ARHGEF4: variants seen among roughly 807,000 people sequenced by gnomAD.
ARHGEF4 encodes Rho guanine nucleotide exchange factor 4, also known as APC-stimulated guanine nucleotide exchange factor 1.
ARHGEF4 carries 119 observed loss-of-function variants against 162.0 expected under a neutral mutation model. The ratio of observed to expected loss-of-function variants is 0.73; its 90% CI spans 0.63 to 0.86. ARHGEF4 has a LOEUF of 0.86. Ranked by LOEUF, ARHGEF4 falls within the 40% of genes least tolerant of loss-of-function variation. The pLI is 0.00. For synonymous variants in ARHGEF4, 1,014 were observed against 979.9 expected (o/e 1.03, Z -0.65); for missense variants, 2,488 against 2,456.0 (o/e 1.01, Z -0.28).
Position 130,890,707 on chromosome 2 carries a change from C to T in ARHGEF4, c.40-23279C>T, listed in dbSNP as rs141941447. Among the ~76,000 whole-genome samples the T allele has an allele frequency of 5.3e-5, 8 of 152,168 alleles. No individual in the cohort carries two copies. The South Asian group carries it at 1.0e-3, about 20-fold the overall frequency. On this transcript the variant is annotated intron_variant, in intron 1 of 13. Transcript: ENST00000409359. Reference sequence around the variant, plus strand: ...TCTATTGAGTTTCTAAGCCTTTTATCGGAGTTTAAATTTTTAGGAATTTTA... The same window carrying T: ...TCTATTGAGTTTCTAAGCCTTTTATTGGAGTTTAAATTTTTAGGAATTTTA...
intron 3 of ARHGEF4, among the ~76,000 whole-genome samples, chr2:130,938,577 T>C (rs1441767235): frequency 6.6e-6 from 1 of 152,206 alleles, no homozygotes; most frequent in Non-Finnish European, 1.5e-5. Flanking sequence ...TTTTTAATGT[T>C]GGTCTTTGAG....
rs192555638 is a variant in ARHGEF4, at chr2:130,973,188, A to T, written c.3985+26553A>T. Among the ~76,000 whole-genome samples, 8 of 152,380 alleles carry T rather than the reference A, an allele frequency of 5.3e-5. No individual in the cohort carries two copies. The East Asian group carries it at 1.3e-3, about 26-fold the overall frequency. ...AAGAAGTAAAGTTGCAATCAAGTTA[A>T]CATTTAAAAAATAAATGAGGCCGAA... On this transcript the variant is annotated intron_variant, in intron 4 of 13. Transcript: ENST00000409359.
intron 10 of ARHGEF4, among the ~76,000 whole-genome samples, chr2:131,042,843 A>C (rs1690922255): frequency 6.6e-6 from 1 of 152,194 alleles, no homozygotes; most frequent in Non-Finnish European, 1.5e-5. Context: ...TAAAAGTATG[A>C]AGCCCAAGGG....
chr2:130,874,831 AT>A (rs1362609641), intron 1 of ARHGEF4, among the ~76,000 whole-genome samples: 4 of 152,090 alleles, frequency 2.6e-5, no homozygotes, highest in Admixed American at 6.6e-5. Context: ...CATTTCTATA[AT>A]TTTTTCATTT....
intron 1 of ARHGEF4, among the ~76,000 whole-genome samples, chr2:130,864,467 A>G (rs1682122752): frequency 6.6e-6 from 1 of 151,476 alleles, no homozygotes. Flanking sequence ...GCTCACGCCT[A>G]TAATCCCAGC....
At chr2:131,022,888 G>A (rs1014669162) in intron 4 of ARHGEF4, among the ~76,000 whole-genome samples, 2 of 151,170 alleles carry the variant, frequency 1.3e-5, no homozygotes, top group African/African-American at 4.9e-5. Flanking sequence ...GAAAAGATAA[G>A]CTACAGACTG....
At chr2:130,996,695 C>A (rs1005173235) in intron 4 of ARHGEF4, among the ~76,000 whole-genome samples, 12 of 152,170 alleles carry the variant, frequency 7.9e-5, no homozygotes, top group African/African-American at 2.9e-4. Flanking sequence ...AGAATACCTG[C>A]ATTTGTTTTA....
At chr2:130,998,607 T>G (rs1687556178) in intron 4 of ARHGEF4, among the ~76,000 whole-genome samples, 2 of 152,238 alleles carry the variant, frequency 1.3e-5, no homozygotes, top group Admixed American at 1.3e-4. Context: ...AGTATGCATT[T>G]GGGTTTCCTC....
At chr2:130,876,399 T>G (rs1246126541) in intron 1 of ARHGEF4, among the ~76,000 whole-genome samples, 1 of 152,180 alleles carries the variant, frequency 6.6e-6, no homozygotes, top group African/African-American at 2.4e-5. Context: ...GCATCTTTTT[T>G]TTGTTTGTTT....
At chr2:130,868,146 C>A (rs147635525) in intron 1 of ARHGEF4, among the ~76,000 whole-genome samples, 2 of 151,834 alleles carry the variant, frequency 1.3e-5, no homozygotes, top group African/African-American at 4.8e-5. Context: ...AGGATCGTCT[C>A]GATCTCCCGA....
intron 4 of ARHGEF4, among the ~76,000 whole-genome samples, chr2:131,023,741 G>C (rs148210455): frequency 2.0e-5 from 3 of 152,292 alleles, no homozygotes; most frequent in African/African-American, 7.2e-5. Context: ...ATCTGACCCA[G>C]TAATTACACT....
intron 4 of ARHGEF4, among the ~76,000 whole-genome samples, chr2:130,951,723 G>A (rs922682100): frequency 2.8e-4 from 43 of 151,894 alleles, no homozygotes; most frequent in African/African-American, 8.7e-4. Context: ...TAGCTTTAGC[G>A]TTTCATGTAT....
rs1210561747 is a variant in ARHGEF4 at position 131,023,078 on chromosome 2, A to C, written c.3986-4867A>C. Among the ~76,000 whole-genome samples the C allele has an allele frequency of 2.4e-4, 36 of 147,590 alleles. 2 individuals are homozygous for C. The highest frequency in any genetic ancestry group is 6.4e-4 in the South Asian group (3 of 4,690). ...CAACATGGTGAAACCCTGTCTCAAA[A>C]AAAAAAAAAAAAAAAAAGAACTTTC... is the stretch of plus-strand genomic sequence containing the variant. On this transcript the variant is annotated intron_variant, in intron 4 of 13. Transcript: ENST00000409359.
Position 130,914,095 on chromosome 2 carries a change from G to A in ARHGEF4, c.149G>A (p.Arg50His), listed in dbSNP as rs750357910. ...VEQGWNQQTD[R>H]DDSETLSQQS... is the part of the protein sequence containing the mutation. Reference sequence around the variant, plus strand: ...CAGGGATGGAACCAGCAAACAGACCGCGATGATTCTGAAACGCTGTCCCAG... The same window carrying A: ...CAGGGATGGAACCAGCAAACAGACCACGATGATTCTGAAACGCTGTCCCAG... The change falls in exon 2 of 14, where the codon CGC becomes CAC. Residue 50 changes from arginine to histidine, a missense_variant. By Grantham distance (29) the Arg-to-His change is conservative. Coordinates refer to ENST00000409359, the MANE Select transcript of ARHGEF4 (RefSeq NM_001367493.1). 1.4e-5 allele frequency: 22 copies of A among 1,536,000 alleles called. No homozygotes were observed. The highest frequency in any genetic ancestry group is 1.7e-4 in the Middle Eastern group (1 of 6,012).
At chr2:130,895,612 A>G (rs61493382) in intron 1 of ARHGEF4, among the ~76,000 whole-genome samples, 2,531 of 152,254 alleles carry the variant, frequency 0.017, 62 homozygotes, top group African/African-American at 0.057. Flanking sequence ...GCATCACTTC[A>G]TGTGCTTATT....
chr2:130,866,607 T>G (rs1682296087), intron 1 of ARHGEF4, among the ~76,000 whole-genome samples: 1 of 152,252 alleles, frequency 6.6e-6, no homozygotes, highest in African/African-American at 2.4e-5. Context: ...TGTTGAATTC[T>G]GCCAGATACT....
At chr2:130,936,905 C>T (rs200176058) in intron 3 of ARHGEF4, among the ~76,000 whole-genome samples, 42 of 82,308 alleles carry the variant, frequency 5.1e-4, no homozygotes, top group African/African-American at 8.2e-4. Flanking sequence ...TTTCTTTTTT[C>T]TTTTTTTTTT....
chr2:130,972,843 TAAAC>T lies in ARHGEF4; in HGVS notation c.3985+26212_3985+26215del, dbSNP rs377545912. Among the ~76,000 whole-genome samples the T allele has an allele frequency of 2.4e-3, 358 of 152,242 alleles. 2 individuals carry two copies. The highest frequency in any genetic ancestry group is 8.0e-3 in the African/African-American group (332 of 41,554). ...AATATACAAAACAAGATAAAATCAA[TAAAC>T]AAATATGAGACAACAAAATTATATA... On this transcript the variant is annotated intron_variant, in intron 4 of 13. Coordinates refer to ENST00000409359, the MANE Select transcript of ARHGEF4 (RefSeq NM_001367493.1).
chr2:130,900,685 G>A (rs576790492), intron 1 of ARHGEF4, among the ~76,000 whole-genome samples: 3 of 152,170 alleles, frequency 2.0e-5, no homozygotes, highest in South Asian at 4.1e-4. Flanking sequence ...TCTCAGTGTT[G>A]GGATCAATGG....
Sources: gnomAD v4.1 joint callset for allele counts (sites outside exome capture counted in the v4.1 genomes callset) on GRCh38, gnomAD v4.1.1 for gene constraint, MANE v1.5 for transcripts, NCBI Gene and HGNC (gene_info 2026-07-23, HGNC 2026-07-21) for gene names.